Variants in SPMIP2 observed in about 807,000 individuals in gnomAD.
SPMIP2 encodes sperm microtubule inner protein 2.
chr4:159,016,296 G>A, the SPMIP2 span, among the ~76,000 whole-genome samples: 7 of 152,152 alleles, frequency 4.6e-5, no homozygotes, highest in Non-Finnish European at 8.8e-5. Flanking sequence ...AGTTTTCCAC[G>A]CACTTCAAAA....
At chr4:158,915,054 G>T in the SPMIP2 span, 3 of 915,424 alleles carry the variant, frequency 3.3e-6, no homozygotes, top group African/African-American at 5.0e-5. Context: ...GCTTCGATAG[G>T]TTAAAAGAAG....
chr4:158,908,252 G>A, the SPMIP2 span, among the ~76,000 whole-genome samples: 1 of 152,120 alleles, frequency 6.6e-6, no homozygotes, highest in Non-Finnish European at 1.5e-5. Flanking sequence ...CAGATGATAG[G>A]CGAGAGGTCC....
At chr4:158,999,162 C>A in the SPMIP2 span, among the ~76,000 whole-genome samples, 6 of 106,410 alleles carry the variant, frequency 5.6e-5, no homozygotes, top group Non-Finnish European at 5.8e-5. Flanking sequence ...CAGAGTGAGA[C>A]CCTGCCTCAA....
At chr4:158,960,296 G>A in the SPMIP2 span, 1 of 1,553,986 alleles carries the variant, frequency 6.4e-7, no homozygotes, top group South Asian at 1.1e-5. Context: ...CATGGGTTTT[G>A]ATATCTGTGG....
At chr4:158,956,308 G>A in the SPMIP2 span, among the ~76,000 whole-genome samples, 15 of 152,388 alleles carry the variant, frequency 9.8e-5, no homozygotes, top group South Asian at 2.3e-3. Context: ...GCTCACGCCT[G>A]TAATCCCAGC....
chr4:159,068,015 T>C, the SPMIP2 span, among the ~76,000 whole-genome samples: 2 of 152,062 alleles, frequency 1.3e-5, no homozygotes, highest in Non-Finnish European at 2.9e-5. Flanking sequence ...GAAACAACAG[T>C]TGCTGGAGAG....
chr4:158,907,056 C>T, the SPMIP2 span: 2 of 152,176 alleles, frequency 1.3e-5, no homozygotes, highest in East Asian at 3.8e-4. Flanking sequence ...TTTGTAGCAT[C>T]TTGCTTTTCC....
chr4:159,042,785 C>G, the SPMIP2 span, among the ~76,000 whole-genome samples: 6 of 152,138 alleles, frequency 3.9e-5, no homozygotes, highest in Non-Finnish European at 8.8e-5. Context: ...TCCTCAGCCT[C>G]CCGAGTAGCT....
the SPMIP2 span, among the ~76,000 whole-genome samples, chr4:158,898,242 C>G: frequency 6.6e-6 from 1 of 152,100 alleles, no homozygotes; most frequent in East Asian, 1.9e-4. Context: ...TTACCGTAGC[C>G]TTGTTGTATA....
At chr4:158,982,448 T>G in the SPMIP2 span, among the ~76,000 whole-genome samples, 4 of 152,194 alleles carry the variant, frequency 2.6e-5, no homozygotes, top group Admixed American at 1.3e-4. Flanking sequence ...ATAGCACTAT[T>G]TCTAAAATTG....
chr4:158,996,645 G>A, the SPMIP2 span, among the ~76,000 whole-genome samples: 16 of 152,242 alleles, frequency 1.1e-4, no homozygotes, highest in East Asian at 3.9e-4. Flanking sequence ...TGATGTCTTC[G>A]GAATCACAGG....
At chr4:159,080,469 C>G in the SPMIP2 span, among the ~76,000 whole-genome samples, 1 of 152,100 alleles carries the variant, frequency 6.6e-6, no homozygotes, top group African/African-American at 2.4e-5. Flanking sequence ...GTCCTCCTGC[C>G]TCGGGTCTCA....
chr4:158,988,220 T>A, the SPMIP2 span, among the ~76,000 whole-genome samples: 1 of 152,164 alleles, frequency 6.6e-6, no homozygotes, highest in Non-Finnish European at 1.5e-5. Flanking sequence ...AATAGACCAA[T>A]AACAAGTTCT....
chr4:159,001,053 T>C, the SPMIP2 span, among the ~76,000 whole-genome samples: 10 of 152,204 alleles, frequency 6.6e-5, no homozygotes, highest in Admixed American at 2.6e-4. Context: ...ATGGTAGATG[T>C]ATTAATTTGT....
At chr4:158,982,678 G>A in the SPMIP2 span, among the ~76,000 whole-genome samples, 7 of 152,008 alleles carry the variant, frequency 4.6e-5, no homozygotes, top group Admixed American at 1.3e-4. Context: ...AAACCAATGA[G>A]AACAAAGACA....
chr4:159,068,566 C>T, the SPMIP2 span, among the ~76,000 whole-genome samples: 3 of 151,464 alleles, frequency 2.0e-5, no homozygotes, highest in African/African-American at 4.9e-5. Flanking sequence ...TGCTAAATGA[C>T]GAGTTAATGG....
chr4:159,012,292 G>C, the SPMIP2 span, among the ~76,000 whole-genome samples: 1 of 152,132 alleles, frequency 6.6e-6, no homozygotes, highest in African/African-American at 2.4e-5. Flanking sequence ...GGCACTTAGA[G>C]ATCATGGGCT....
the SPMIP2 span, among the ~76,000 whole-genome samples, chr4:158,918,217 A>C: frequency 7.9e-5 from 12 of 152,142 alleles, no homozygotes; most frequent in African/African-American, 2.9e-4. Flanking sequence ...GACAGGAAAG[A>C]CCAGAACTGA....
chr4:158,969,004 A>G, the SPMIP2 span, among the ~76,000 whole-genome samples: 1 of 152,030 alleles, frequency 6.6e-6, no homozygotes. Context: ...AGTTCCCACG[A>G]TTCTCCTTAT....
Sources: gnomAD v4.1 joint callset for allele counts (sites outside exome capture counted in the v4.1 genomes callset) on GRCh38, gnomAD v4.1.1 for gene constraint, MANE v1.5 for transcripts, NCBI Gene and HGNC (gene_info 2026-07-23, HGNC 2026-07-21) for gene names.